Variants in PIAS2 observed in about 807,000 individuals in gnomAD.
The protein encoded by PIAS2 is E3 SUMO-protein ligase PIAS2.
A neutral mutation model predicts 69.7 loss-of-function variants in PIAS2; 19 were observed. That is an observed-to-expected ratio of 0.27 (90% CI 0.19 to 0.40). The LOEUF (loss-of-function observed/expected upper bound fraction) is 0.40, where lower values mean the gene tolerates loss of function less well. PIAS2 is among the 10% of genes least tolerant of loss of function. The pLI, the probability that PIAS2 is intolerant of heterozygous loss-of-function variation, is 1.00. For missense variants in PIAS2, 624 were observed against 757.0 expected, an observed-to-expected ratio of 0.82 and a Z score of 2.06; for synonymous variants, 261 against 263.2, an observed-to-expected ratio of 0.99 and a Z score of 0.08.
chr18:46,851,811 A>G (rs2047010164), intron 5 of PIAS2, among the ~76,000 whole-genome samples: 1 of 152,240 alleles, frequency 6.6e-6, no homozygotes, highest in Non-Finnish European at 1.5e-5. Flanking sequence ...ATAGTGGTCA[A>G]CTGCCATGGG....
At chr18:46,869,720 ATTG>A (rs1305706336) in intron 2 of PIAS2, among the ~76,000 whole-genome samples, 4 of 152,144 alleles carry the variant, frequency 2.6e-5, no homozygotes, top group Admixed American at 2.6e-4. Flanking sequence ...ATGACAAAAT[ATTG>A]TTGTTTCATT....
chr18:46,868,176 T>C (rs1357406310), intron 2 of PIAS2, among the ~76,000 whole-genome samples: 1 of 152,190 alleles, frequency 6.6e-6, no homozygotes, highest in Non-Finnish European at 1.5e-5. Flanking sequence ...ATTCCTGACC[T>C]AAGGAATCCA....
chr18:46,862,575 TAA>T (rs1439283792), intron 3 of PIAS2, among the ~76,000 whole-genome samples: 1 of 152,180 alleles, frequency 6.6e-6, no homozygotes, highest in East Asian at 1.9e-4. Flanking sequence ...AATGCAACTT[TAA>T]AGAGTCATAT....
intron 12 of PIAS2, among the ~76,000 whole-genome samples, chr18:46,820,174 TTAAC>T (rs747152658): frequency 1.3e-5 from 2 of 152,156 alleles, no homozygotes; most frequent in African/African-American, 2.4e-5. Flanking sequence ...AGTTAACAGA[TTAAC>T]TATCTCAGTA....
rs869149927 is a variant in PIAS2 at position 46,807,383 on chromosome 18, A to ATATATATTTTT, written c.*5049_*5050insAAAAATATATA. 1.7e-4 allele frequency: 2 copies of ATATATATTTTT among 11,600 alleles called. No homozygotes were observed. Among genetic ancestry groups the ATATATATTTTT allele is most frequent in the East Asian group, 3.0e-3 (1 of 328 alleles). The allele number at this position is 11,600 out of a possible 1,614,324, so 0.7% of individuals were successfully genotyped here. Reference sequence around the variant, plus strand: ...TATATATATATATATATATATATATATTTTTTTTTTTTTTTTTTTTTTTTT... The same window carrying ATATATATTTTT: ...TATATATATATATATATATATATATATATATATTTTTTTTTTTTTTTTTTTTTTTTTTTTTT... On this transcript the variant is annotated 3_prime_UTR_variant, in exon 14 of 14. Transcript: ENST00000585916.
intron 2 of PIAS2, among the ~76,000 whole-genome samples, chr18:46,869,486 G>C (rs2049999188): frequency 6.6e-6 from 1 of 151,982 alleles, no homozygotes; most frequent in South Asian, 2.1e-4. Flanking sequence ...TATAAGGAGG[G>C]ACTGAGCCTC....
chr18:46,841,493 T>C (rs935985690), intron 8 of PIAS2, among the ~76,000 whole-genome samples: 2 of 152,218 alleles, frequency 1.3e-5, no homozygotes, highest in Admixed American at 6.5e-5. Flanking sequence ...TAATAGGACT[T>C]ACTCTTTCTC....
chr18:46,838,313 A>T (rs2044759675), intron 8 of PIAS2, among the ~76,000 whole-genome samples: 1 of 152,242 alleles, frequency 6.6e-6, no homozygotes, highest in Non-Finnish European at 1.5e-5. Context: ...TTATACTAAA[A>T]GGATGGTATT....
At chr18:46,845,423 T>C (rs921328364) in intron 6 of PIAS2, among the ~76,000 whole-genome samples, 1 of 152,122 alleles carries the variant, frequency 6.6e-6, no homozygotes, top group Non-Finnish European at 1.5e-5. Flanking sequence ...AAAGCTTTGA[T>C]AAATTAACTC....
intron 1 of PIAS2, among the ~76,000 whole-genome samples, chr18:46,897,136 C>T (rs1425747973): frequency 6.6e-6 from 1 of 152,126 alleles, no homozygotes; most frequent in Non-Finnish European, 1.5e-5. Context: ...GACTCTACCA[C>T]CTTCCCAAGT....
chr18:46,836,299 G>A, intron 9 of PIAS2, 58 bp downstream of exon 9: 3 of 1,302,984 alleles, frequency 2.3e-6, no homozygotes, highest in Admixed American at 1.7e-5. Flanking sequence ...AGTGAACAAA[G>A]GCATTGCCAA....
chr18:46,891,208 T>A, intron 1 of PIAS2, 154 bp from the exon 2 acceptor site: 1 of 694,208 alleles, frequency 1.4e-6, no homozygotes, highest in Non-Finnish European at 2.6e-6. Context: ...TCATTACCAT[T>A]CATAAGACAA....
At chr18:46,908,443 T>G (rs1348206686) in intron 1 of PIAS2, among the ~76,000 whole-genome samples, 2 of 152,102 alleles carry the variant, frequency 1.3e-5, no homozygotes, top group African/African-American at 2.4e-5. Context: ...GATGGAACAA[T>G]TTATTATTCT....
chr18:46,830,849 G>A (rs2043504646), intron 9 of PIAS2, among the ~76,000 whole-genome samples: 1 of 152,016 alleles, frequency 6.6e-6, no homozygotes, highest in African/African-American at 2.4e-5. Context: ...CATTGTACAA[G>A]GTCAGCATTA....
chr18:46,848,788 TGAGA>T (rs60707180), intron 5 of PIAS2, among the ~76,000 whole-genome samples: 8 of 146,200 alleles, frequency 5.5e-5, no homozygotes, highest in East Asian at 4.0e-4. Context: ...TGTGTGTGTG[TGAGA>T]GAGAGAGAGT....
At chr18:46,837,494 G>A (rs920760982) in intron 8 of PIAS2, among the ~76,000 whole-genome samples, 7 of 151,936 alleles carry the variant, frequency 4.6e-5, no homozygotes, top group African/African-American at 1.7e-4. Context: ...AAGAAATCAC[G>A]TGTGTAACAT....
chr18:46,844,530 T>A (rs2045893041), intron 7 of PIAS2, among the ~76,000 whole-genome samples: 1 of 152,128 alleles, frequency 6.6e-6, no homozygotes, highest in Non-Finnish European at 1.5e-5. Context: ...AAAATATTTA[T>A]ACTTCCTTTG....
intron 8 of PIAS2, among the ~76,000 whole-genome samples, chr18:46,842,628 T>G (rs1439971998): frequency 6.6e-6 from 1 of 152,212 alleles, no homozygotes; most frequent in Non-Finnish European, 1.5e-5. Flanking sequence ...AAAGGCAATT[T>G]CACTTGTTTC....
intron 1 of PIAS2, among the ~76,000 whole-genome samples, chr18:46,899,255 G>A (rs769650312): frequency 1.5e-4 from 23 of 152,128 alleles, no homozygotes; most frequent in Non-Finnish European, 2.6e-4. Context: ...AGAAGTAGAG[G>A]ATTTGCCATT....
Sources: gnomAD v4.1 joint callset for allele counts (sites outside exome capture counted in the v4.1 genomes callset) on GRCh38, gnomAD v4.1.1 for gene constraint, MANE v1.5 for transcripts, NCBI Gene and HGNC (gene_info 2026-07-23, HGNC 2026-07-21) for gene names.